Variants in SMYD3 observed in about 807,000 individuals in gnomAD.
SMYD3 encodes the protein SET and MYND domain containing 3.
Under a neutral mutation model 57.7 loss-of-function variants are expected in SMYD3, and 36 were observed. That is an observed-to-expected ratio of 0.62 (90% confidence interval 0.48 to 0.82). The LOEUF is 0.82. Among genes scored for constraint, SMYD3 ranks in the 40% least tolerant of loss-of-function variants. The pLI is 0.00. For synonymous variants in SMYD3, 211 were observed against 195.0 expected (o/e 1.08, Z -0.68); for missense variants, 515 against 538.8 (o/e 0.96, Z 0.44).
intron 1 of SMYD3, among the ~76,000 whole-genome samples, chr1:246,425,477 A>C (rs2067204849): frequency 6.6e-6 from 1 of 152,176 alleles, no homozygotes; most frequent in Non-Finnish European, 1.5e-5. Context: ...AAGGCTTTCT[A>C]CAGTAAGCCA....
chr1:245,802,942 CAACTGCCT>C (rs1204959364), intron 10 of SMYD3, among the ~76,000 whole-genome samples: 1 of 152,192 alleles, frequency 6.6e-6, no homozygotes, highest in East Asian at 1.9e-4. Context: ...TATCAGCTGC[CAACTGCCT>C]TGGCACACAG....
chr1:246,054,713 G>A lies in SMYD3; in HGVS notation c.532-124776C>T, dbSNP rs550877859. Among the ~76,000 whole-genome samples, 4 of 152,144 alleles carry A rather than the reference G, an allele frequency of 2.6e-5. No individual in the cohort carries two copies. In the East Asian group the frequency reaches 7.7e-4, roughly 29 times the overall value. On this transcript the variant is annotated intron_variant, in intron 5 of 11. Coordinates refer to ENST00000490107, the MANE Select transcript of SMYD3 (RefSeq NM_001167740.2). Reference sequence around the variant, plus strand: ...AGATCACTAATCAGCTGGGGCTGGGGGTGGGTGAGGGATAGACTGAAAAAG... The same window carrying A: ...AGATCACTAATCAGCTGGGGCTGGGAGTGGGTGAGGGATAGACTGAAAAAG...
At chr1:246,430,273 T>C (rs1418372376) in intron 1 of SMYD3, among the ~76,000 whole-genome samples, 5 of 152,198 alleles carry the variant, frequency 3.3e-5, no homozygotes, top group Non-Finnish European at 7.4e-5. Flanking sequence ...AAGATTAATA[T>C]AGACTAACTG....
chr1:246,258,860 T>C (rs1467824588), intron 5 of SMYD3, among the ~76,000 whole-genome samples: 3 of 152,332 alleles, frequency 2.0e-5, no homozygotes, highest in Middle Eastern at 3.4e-3. Flanking sequence ...CAATAATTTG[T>C]AGTTTTGGTC....
chr1:245,817,424 A>G (rs1307978746), intron 10 of SMYD3, among the ~76,000 whole-genome samples: 1 of 149,924 alleles, frequency 6.7e-6, no homozygotes, highest in Non-Finnish European at 1.5e-5. Flanking sequence ...GACCAAAAGT[A>G]GATAAAACCA....
At chr1:246,187,720 G>C (rs534905863) in intron 5 of SMYD3, among the ~76,000 whole-genome samples, 21 of 152,290 alleles carry the variant, frequency 1.4e-4, no homozygotes, top group African/African-American at 4.6e-4. Context: ...AAACAAACAT[G>C]ATTAACAAGT....
At chr1:246,151,660 A>C (rs571665615) in intron 5 of SMYD3, among the ~76,000 whole-genome samples, 1 of 152,352 alleles carries the variant, frequency 6.6e-6, no homozygotes, top group South Asian at 2.1e-4. Flanking sequence ...AGATTCAAAC[A>C]TCACTTGATT....
intron 8 of SMYD3, among the ~76,000 whole-genome samples, chr1:245,908,788 T>C (rs1208583569): frequency 1.3e-5 from 2 of 152,082 alleles, no homozygotes; most frequent in African/African-American, 4.8e-5. Context: ...ATACAACATA[T>C]CAAAATGTAT....
chr1:246,057,440 A>T (rs1572956092), intron 5 of SMYD3, among the ~76,000 whole-genome samples: 1 of 152,304 alleles, frequency 6.6e-6, no homozygotes, highest in South Asian at 2.1e-4. Context: ...CTGTTCCTCA[A>T]ATATAGTTTT....
At chr1:246,255,716 T>C (rs2063871350) in intron 5 of SMYD3, among the ~76,000 whole-genome samples, 1 of 151,974 alleles carries the variant, frequency 6.6e-6, no homozygotes, top group African/African-American at 2.4e-5. Flanking sequence ...TGGTAGCAGC[T>C]CCTATTTGTA....
intron 5 of SMYD3, among the ~76,000 whole-genome samples, chr1:246,291,876 G>C (rs912621437): frequency 6.6e-6 from 1 of 152,072 alleles, no homozygotes; most frequent in Admixed American, 6.6e-5. Context: ...CAATACACCA[G>C]CATCTTAGAC....
chr1:246,436,869 T>C (rs1354194320), intron 1 of SMYD3, among the ~76,000 whole-genome samples: 1 of 151,518 alleles, frequency 6.6e-6, no homozygotes, highest in Non-Finnish European at 1.5e-5. Context: ...AAAAGGACGA[T>C]AGGGAATAAG....
intron 1 of SMYD3, among the ~76,000 whole-genome samples, chr1:246,474,470 G>C (rs972484994): frequency 2.3e-5 from 3 of 130,908 alleles, no homozygotes; most frequent in African/African-American, 8.7e-5. Flanking sequence ...AGTGGGCCAA[G>C]ATTGAGCCAC....
intron 5 of SMYD3, among the ~76,000 whole-genome samples, chr1:246,159,426 A>G (rs998127979): frequency 1.6e-4 from 25 of 152,142 alleles, no homozygotes; most frequent in African/African-American, 6.0e-4. Context: ...GTCCCTTCCT[A>G]TCCGCAAATA....
intron 5 of SMYD3, among the ~76,000 whole-genome samples, chr1:246,169,516 A>G (rs1210852369): frequency 1.3e-5 from 2 of 152,044 alleles, no homozygotes; most frequent in African/African-American, 2.4e-5. Flanking sequence ...TCTTGGGACA[A>G]ATGCTCTTGC....
chr1:246,365,051 G>C (rs770196433), intron 1 of SMYD3, among the ~76,000 whole-genome samples: 1 of 152,136 alleles, frequency 6.6e-6, no homozygotes, highest in Non-Finnish European at 1.5e-5. Flanking sequence ...CCAATACACA[G>C]TGACAAAAGA....
At chr1:245,852,504 G>T (rs2051028599) in intron 10 of SMYD3, among the ~76,000 whole-genome samples, 1 of 152,194 alleles carries the variant, frequency 6.6e-6, no homozygotes, top group Non-Finnish European at 1.5e-5. Flanking sequence ...AAGAGCCAGA[G>T]AAATCGGTCA....
In SMYD3 at chr1:245,863,884, A is replaced by G; in HGVS notation, c.816T>C (p.Asp272=). The change falls in exon 9 of 12, where the codon GAT becomes GAC. Residue 272 remains aspartate (D), a splice_region_variant and synonymous_variant. Coordinates refer to ENST00000490107, the MANE Select transcript of SMYD3 (RefSeq NM_001167740.2). ...DCFRCQTQDK[D]ADMLTGDEQV... is the part of the protein sequence containing the mutation. Reference sequence around the variant, plus strand: ...GCTCATCACCAGTTAGCATATCAGCATCCTGCTCAGGCCAGAAAAGGAAGA... The same window carrying G: ...GCTCATCACCAGTTAGCATATCAGCGTCCTGCTCAGGCCAGAAAAGGAAGA... The G allele has an allele frequency of 6.8e-6, 11 of 1,614,094 alleles. No homozygotes were observed. Among genetic ancestry groups the G allele is most frequent in the Non-Finnish European group, 8.5e-6 (10 of 1,179,946 alleles).
At chr1:245,830,490 T>A (rs979573708) in intron 10 of SMYD3, among the ~76,000 whole-genome samples, 4 of 152,182 alleles carry the variant, frequency 2.6e-5, no homozygotes, top group African/African-American at 9.7e-5. Context: ...TGGGGATTAT[T>A]ATAATTCAAG....
Sources: gnomAD v4.1 joint callset for allele counts (sites outside exome capture counted in the v4.1 genomes callset) on GRCh38, gnomAD v4.1.1 for gene constraint, MANE v1.5 for transcripts, NCBI Gene and HGNC (gene_info 2026-07-23, HGNC 2026-07-21) for gene names.